NCF4: variants seen among roughly 807,000 people sequenced by gnomAD.
NCF4 encodes the protein neutrophil cytosol factor 4.
A neutral mutation model predicts 41.7 loss-of-function variants in NCF4; 30 were observed. The observed-to-expected ratio is 0.72, with a 90% confidence interval of 0.54 to 0.97. NCF4 has a LOEUF of 0.97. NCF4 is among the 50% of genes least tolerant of loss of function. The pLI is 0.00. For synonymous variants in NCF4, 195 were observed against 175.8 expected (o/e 1.11, Z -0.87); for missense variants, 432 against 460.9 (o/e 0.94, Z 0.57).
chr22:36,870,213 C>G, intron 4 of NCF4: 1 of 730,944 alleles, frequency 1.4e-6, no homozygotes, highest in Non-Finnish European at 2.3e-6. Context: ...TGACCTTGGA[C>G]CCAGGAGCAG....
chr22:36,870,504 C>T lies in NCF4; in HGVS notation c.432C>T (p.Pro144=). 1.2e-6 allele frequency: 2 copies of T among 1,613,702 alleles called. No homozygotes were observed. Among genetic ancestry groups the T allele is most frequent in the Non-Finnish European group, 1.7e-6 (2 of 1,180,024 alleles). ...CGCCCTATGACTCAGAGCAGGTGCC[C>T]CAGGCACTCCGCCGGCTCCGCCCGC... ...YQSPYDSEQV[P]QALRRLRPRT... The change falls in exon 5 of 10, where the codon CCC becomes CCT. Residue 144 remains proline (P), a synonymous_variant. Transcript: ENST00000248899.
Position 36,864,847 on chromosome 22 carries a change from T to C in NCF4, c.118-72T>C, listed in dbSNP as rs34121963. ...CATCTTCCTCCTCCTCCTCCTCCCCTTTTCCCTTCCACCTCTTTTTGGCTT... is the reference window on the plus strand; with the variant it reads ...CATCTTCCTCCTCCTCCTCCTCCCCCTTTCCCTTCCACCTCTTTTTGGCTT... On this transcript the variant is annotated intron_variant, in intron 2 of 9. Transcript: ENST00000248899. The C allele has an allele frequency of 1.4e-3, 2,187 of 1,585,030 alleles. 22 individuals are homozygous for C. In the African/African-American group the frequency reaches 0.025, roughly 18 times the overall value.
intron 9 of NCF4, 94 bp from the exon 10 acceptor site, chr22:36,877,534 T>G: frequency 7.5e-7 from 1 of 1,329,914 alleles, no homozygotes; most frequent in South Asian, 1.2e-5. Flanking sequence ...TTTTTCTTAC[T>G]CCTGGCTTCA....
intron 1 of NCF4, among the ~76,000 whole-genome samples, chr22:36,861,985 G>A (rs1414313795): frequency 6.6e-6 from 1 of 152,274 alleles, no homozygotes; most frequent in African/African-American, 2.4e-5. Context: ...GGGAGGATAA[G>A]AGACTTACTC....
chr22:36,872,978 G>A (rs1467502299), intron 7 of NCF4, among the ~76,000 whole-genome samples: 2 of 148,852 alleles, frequency 1.3e-5, no homozygotes, highest in African/African-American at 2.5e-5. Context: ...GAGGGTGGAG[G>A]TAAGGGTGGA....
chr22:36,874,920 C>T (rs1046268554), intron 7 of NCF4, among the ~76,000 whole-genome samples: 1 of 152,212 alleles, frequency 6.6e-6, no homozygotes, highest in Non-Finnish European at 1.5e-5. Flanking sequence ...CTCTGTAACA[C>T]CTGCTGCCAT....
In NCF4 at chr22:36,865,238, C is replaced by T. The variant is rs112918035; in HGVS notation, c.271+166C>T. On this transcript the variant is annotated intron_variant, in intron 3 of 9. Transcript: ENST00000248899. The surrounding 1 kb of genome is among the most constrained non-coding windows in gnomAD (Gnocchi z 4.3). Reference sequence around the variant, plus strand: ...AGGCTGCCAAGCCCTCCCTGCATGGCTCCCCCTGCCTCACGCCATGGCTTC... The same window carrying T: ...AGGCTGCCAAGCCCTCCCTGCATGGTTCCCCCTGCCTCACGCCATGGCTTC... 2.1e-4 allele frequency among the ~76,000 whole-genome samples: 32 copies of T among 152,176 alleles called. No individual in the cohort carries two copies. Among genetic ancestry groups the T allele is most frequent in the African/African-American group, 7.7e-4 (32 of 41,504 alleles).
Position 36,875,659 on chromosome 22 carries a change from G to T in NCF4, c.634G>T (p.Val212Phe). The change falls in exon 8 of 10, where the codon GTC becomes TTC. Residue 212 changes from valine to phenylalanine, a missense_variant. Val to Phe is a conservative substitution (Grantham distance 50). Coordinates refer to ENST00000248899, the MANE Select transcript of NCF4 (RefSeq NM_000631.5). Reference sequence around the variant, plus strand: ...CCCTTCTCTTCCTCTGCAGGGCACTGTCCGGGGAGCCACGGGCATCTTCCC... The same window carrying T: ...CCCTTCTCTTCCTCTGCAGGGCACTTTCCGGGGAGCCACGGGCATCTTCCC... ...RINKDWLEGT[V>F]RGATGIFPLS... 6.2e-7 allele frequency: 1 copy of T among 1,611,678 alleles called. No homozygotes were observed.
chr22:36,862,946 C>T (rs541561623), intron 1 of NCF4, among the ~76,000 whole-genome samples: 3 of 152,240 alleles, frequency 2.0e-5, no homozygotes, highest in East Asian at 3.9e-4. Flanking sequence ...TCCAAAACCT[C>T]CCCCAGGCCA....
chr22:36,872,059 G>A, intron 6 of NCF4: 1 of 690,164 alleles, frequency 1.4e-6, no homozygotes, highest in Non-Finnish European at 2.7e-6. Flanking sequence ...GGGGACCAGG[G>A]TGGGTGCTCA....
At position 36,872,533 on chromosome 22, in the gene NCF4, G is replaced by A. The variant is rs1373078228; in HGVS notation, c.627+108G>A. On this transcript the variant is annotated intron_variant, in intron 7 of 9. Transcript: ENST00000248899. ...AGTGCAATTGGAGGTGAGGATGAAG[G>A]TGAGGGTGGAGGTGAGATTGGAGGT... 8.6e-6 allele frequency: 8 copies of A among 928,330 alleles called. No individual in the cohort carries two copies. The African/African-American group carries it at 1.1e-4, about 13-fold the overall frequency. The allele number at this position is 928,330 out of a possible 1,614,324, so 57.5% of individuals were successfully genotyped here.
intron 2 of NCF4, 104 bp from the exon 3 acceptor site, chr22:36,864,815 T>C (rs1388131773): frequency 1.4e-6 from 2 of 1,418,768 alleles, no homozygotes; most frequent in Non-Finnish European, 2.0e-6. Context: ...TGCATCCTTA[T>C]CCTCATCATC....
intron 2 of NCF4, 34 bp from the exon 3 acceptor site, chr22:36,864,885 C>G (rs574009198): frequency 1.1e-5 from 18 of 1,613,824 alleles, no homozygotes; most frequent in East Asian, 2.2e-5. Context: ...GCTCCTGGCC[C>G]CTGAGCCCTC....
chr22:36,869,632 T>C (rs1444847678), intron 4 of NCF4, among the ~76,000 whole-genome samples: 2 of 152,020 alleles, frequency 1.3e-5, no homozygotes, highest in Admixed American at 1.3e-4. Context: ...CCCAGACCTG[T>C]GCGCTTGGAG....
intron 1 of NCF4, among the ~76,000 whole-genome samples, chr22:36,863,132 A>G (rs1274966149): frequency 6.6e-6 from 1 of 151,222 alleles, no homozygotes; most frequent in Non-Finnish European, 1.5e-5. Context: ...CCATCAAAAA[A>G]CTCTATAATT....
In NCF4 at chr22:36,870,414, G is replaced by C. The variant is rs749205666; in HGVS notation, c.343-1G>C. Reference sequence around the variant, plus strand: ...CCGGTTCTGCTGTCTCACCCACACAGAGCCTGCTCAGCCTGCCGGTCTGGG... The same window carrying C: ...CCGGTTCTGCTGTCTCACCCACACACAGCCTGCTCAGCCTGCCGGTCTGGG... On this transcript the variant is annotated splice_acceptor_variant, in intron 4 of 9. Transcript: ENST00000248899. LOFTEE classifies it high-confidence loss of function. 2 of 1,613,898 alleles carry C rather than the reference G, an allele frequency of 1.2e-6. No individual in the cohort carries two copies. The highest frequency in any genetic ancestry group is 1.7e-6 in the Non-Finnish European group (2 of 1,180,034).
intron 1 of NCF4, among the ~76,000 whole-genome samples, chr22:36,862,653 G>A (rs537281735): frequency 6.6e-6 from 1 of 152,332 alleles, no homozygotes; most frequent in Middle Eastern, 3.4e-3. Context: ...GGTACTAGGG[G>A]CATGGGGGCT....
chr22:36,868,059 G>A (rs1939970481), intron 4 of NCF4, among the ~76,000 whole-genome samples: 2 of 152,208 alleles, frequency 1.3e-5, no homozygotes, highest in Non-Finnish European at 2.9e-5. Flanking sequence ...GGAGCGTAGA[G>A]GAAGGAGCAT....
intron 9 of NCF4, 43 bp downstream of exon 9, chr22:36,876,137 G>A: frequency 6.5e-7 from 1 of 1,528,720 alleles, no homozygotes; most frequent in Non-Finnish European, 8.9e-7. Context: ...ATACTCTGGA[G>A]AAGAGAGCGC....
Sources: allele counts gnomAD v4.1 joint callset (sites outside exome capture counted in the v4.1 genomes callset), GRCh38; gene constraint gnomAD v4.1.1; non-coding constraint Gnocchi (gnomAD v3.1); transcripts MANE v1.5; gene names NCBI Gene and HGNC (gene_info 2026-07-23, HGNC 2026-07-21).